Variants in SMARCA5 observed in about 807,000 individuals in gnomAD.
SMARCA5 encodes SWI/SNF-related matrix-associated actin-dependent regulator of chromatin subfamily A member 5.
SMARCA5 carries 18 observed loss-of-function variants against 140.4 expected under a neutral mutation model. The ratio of observed to expected loss-of-function variants is 0.13; its 90% CI spans 0.09 to 0.19. SMARCA5 has a LOEUF of 0.19. Ranked by LOEUF, SMARCA5 falls within the 10% of genes least tolerant of loss-of-function variation. The pLI, the probability that SMARCA5 is intolerant of heterozygous loss-of-function variation, is 1.00. For missense variants in SMARCA5, 606 were observed against 1,276.8 expected (o/e 0.47, Z 8.01); for synonymous variants, 449 against 419.6 (o/e 1.07, Z -0.86).
rs1284454248 is a variant in SMARCA5 at position 143,538,905 on chromosome 4, T to C, written c.1737T>C (p.Ser579=). Residue 579 remains serine (S), a synonymous_variant, in exon 13 of 24, where the codon TCT becomes TCC. Transcript: ENST00000283131. ...ATADVVILYD[S]DWNPQVDLQA... ...CTGATGTAGTAATTTTGTATGATTC[T>C]GATTGGAATCCCCAAGTAGATCTTC... 1 of 1,614,046 alleles carries C rather than the reference T, an allele frequency of 6.2e-7. No homozygotes were observed. Among genetic ancestry groups the C allele is most frequent in the Middle Eastern group, 1.6e-4 (1 of 6,062 alleles).
In SMARCA5 at chr4:143,545,958, C is replaced by G; in HGVS notation, c.2431C>G (p.Gln811Glu). The G allele has an allele frequency of 6.2e-7, 1 of 1,608,074 alleles. No individual in the cohort carries two copies. Among genetic ancestry groups the G allele is most frequent in the Non-Finnish European group, 8.5e-7 (1 of 1,176,230 alleles). Residue 811 changes from glutamine (Q) to glutamate (E), a missense_variant, in exon 19 of 24, where the codon CAG (glutamine) becomes GAG (glutamate). By Grantham distance (29) the Gln-to-Glu change is conservative. Transcript: ENST00000283131. ...PRNPELPNAA[Q>E]AQKEEQLKID... is the part of the protein sequence containing the mutation. ...AAATCCTGAGCTGCCTAATGCAGCA[C>G]AGGCACAAAAAGAAGAACAGCTTAA...
At chr4:143,541,412 T>C (rs1737423594) in intron 14 of SMARCA5, among the ~76,000 whole-genome samples, 1 of 152,206 alleles carries the variant, frequency 6.6e-6, no homozygotes, top group Non-Finnish European at 1.5e-5. Flanking sequence ...ATTGTACATG[T>C]CTTTGGTATC....
chr4:143,544,053 T>A, intron 16 of SMARCA5, 81 bp downstream of exon 16: 2 of 1,114,774 alleles, frequency 1.8e-6, no homozygotes, highest in Non-Finnish European at 2.4e-6. Flanking sequence ...TGTAATGTCT[T>A]ATAATTTTGC....
chr4:143,518,122 C>T (rs1044025852), intron 2 of SMARCA5, among the ~76,000 whole-genome samples: 1 of 152,094 alleles, frequency 6.6e-6, no homozygotes. Context: ...GAAATATGCT[C>T]CTTGTTCACA....
At chr4:143,543,697 T>G in intron 15 of SMARCA5, 40 bp downstream of exon 15, 2 of 1,559,988 alleles carry the variant, frequency 1.3e-6, no homozygotes, top group Non-Finnish European at 1.7e-6. Context: ...TATAGAATGT[T>G]TTAGACCAGA....
chr4:143,530,350 G>T, intron 8 of SMARCA5, 108 bp from the exon 9 acceptor site: 7 of 631,016 alleles, frequency 1.1e-5, no homozygotes, highest in Middle Eastern at 4.7e-4. Context: ...TTTTTTTGTG[G>T]GTTACAATTC....
At chr4:143,550,187 T>C in intron 23 of SMARCA5, 83 bp downstream of exon 23, 1 of 749,614 alleles carries the variant, frequency 1.3e-6, no homozygotes. Flanking sequence ...CTGTCATTGA[T>C]GTGTTAGTCC....
At chr4:143,548,187 A>G (rs1460565589) in intron 22 of SMARCA5, 47 bp downstream of exon 22, 2 of 1,120,092 alleles carry the variant, frequency 1.8e-6, no homozygotes, top group Non-Finnish European at 2.6e-6. Flanking sequence ...GTTCAGAGTA[A>G]GTGTCATCTT....
chr4:143,525,345 C>T (rs779474928), intron 4 of SMARCA5, 106 bp from the exon 5 acceptor site: 9 of 729,836 alleles, frequency 1.2e-5, no homozygotes, highest in Admixed American at 6.0e-5. Context: ...TTCAAGAATC[C>T]GTTAGTAATG....
chr4:143,548,592 T>C (rs1380019549), intron 22 of SMARCA5, among the ~76,000 whole-genome samples: 1 of 152,120 alleles, frequency 6.6e-6, no homozygotes, highest in Non-Finnish European at 1.5e-5. Context: ...AGGTTTTGTT[T>C]TTATTCCCAA....
intron 11 of SMARCA5, among the ~76,000 whole-genome samples, chr4:143,537,514 A>T (rs1290106248): frequency 6.6e-6 from 1 of 152,180 alleles, no homozygotes; most frequent in Non-Finnish European, 1.5e-5. Flanking sequence ...ATAGATTTTT[A>T]AAAAATGCTT....
intron 1 of SMARCA5, among the ~76,000 whole-genome samples, chr4:143,516,841 T>C (rs1736851605): frequency 6.6e-6 from 1 of 152,162 alleles, no homozygotes; most frequent in African/African-American, 2.4e-5. Flanking sequence ...TTATTACTAG[T>C]TTAGGAATCA....
In SMARCA5 at chr4:143,545,966, A is replaced by G; in HGVS notation, c.2439A>G (p.Gln813=). The change falls in exon 19 of 24, where the codon CAA becomes CAG. Residue 813 remains glutamine, a synonymous_variant. Coordinates refer to ENST00000283131, the MANE Select transcript of SMARCA5 (RefSeq NM_003601.4). ...NPELPNAAQA[Q]KEEQLKIDEA... Reference sequence around the variant, plus strand: ...AGCTGCCTAATGCAGCACAGGCACAAAAAGAAGAACAGCTTAAAATTGATG... The same window carrying G: ...AGCTGCCTAATGCAGCACAGGCACAGAAAGAAGAACAGCTTAAAATTGATG... 6.2e-7 allele frequency: 1 copy of G among 1,610,224 alleles called. No individual in the cohort carries two copies. Among genetic ancestry groups the G allele is most frequent in the Non-Finnish European group, 8.5e-7 (1 of 1,177,846 alleles).
At position 143,555,390 on chromosome 4, in the gene SMARCA5, C is replaced by T. The variant is rs1176429312; in HGVS notation, c.*2206C>T. Reference sequence around the variant, plus strand: ...CCATCACCACCACCATGGCTGCCACCAAAGCCACCACGATCACAGAACTTG... The same window carrying T: ...CCATCACCACCACCATGGCTGCCACTAAAGCCACCACGATCACAGAACTTG... On this transcript the variant is annotated 3_prime_UTR_variant, in exon 24 of 24. Coordinates refer to ENST00000283131, the MANE Select transcript of SMARCA5 (RefSeq NM_003601.4). 1.9e-5 allele frequency: 13 copies of T among 683,040 alleles called. No homozygotes were observed. In the East Asian group the frequency reaches 2.7e-4, roughly 14 times the overall value. 42.3% of individuals were successfully genotyped at this position (683,040 alleles called of 1,614,324 possible).
intron 16 of SMARCA5, 79 bp downstream of exon 16, chr4:143,544,051 C>A: frequency 8.9e-7 from 1 of 1,118,116 alleles, no homozygotes; most frequent in Non-Finnish European, 1.2e-6. Flanking sequence ...ACTGTAATGT[C>A]TTATAATTTT....
At position 143,554,479 on chromosome 4, in the gene SMARCA5, GTA is replaced by G. The variant is rs1737708787; in HGVS notation, c.*1296_*1297del. On this transcript the variant is annotated 3_prime_UTR_variant, in exon 24 of 24. Coordinates refer to ENST00000283131, the MANE Select transcript of SMARCA5 (RefSeq NM_003601.4). ...ATATCTTTCCCTTAAATTTCTATTAGTAGTTGTTTTCATCTGCCCACATGTAA... is the reference window on the plus strand; with the variant it reads ...ATATCTTTCCCTTAAATTTCTATTAGGTTGTTTTCATCTGCCCACATGTAA... 1 of 95,940 alleles carries G rather than the reference GTA, an allele frequency of 1.0e-5. No homozygotes were observed. Among genetic ancestry groups the G allele is most frequent in the Non-Finnish European group, 2.3e-5 (1 of 43,242 alleles). 5.9% of individuals were successfully genotyped at this position (95,940 alleles called of 1,614,324 possible).
chr4:143,534,819 T>C (rs1270144671), intron 9 of SMARCA5, 36 bp from the exon 10 acceptor site: 3 of 1,430,090 alleles, frequency 2.1e-6, no homozygotes, highest in Admixed American at 1.9e-5. Context: ...TTATGTGTAA[T>C]ATTGGTATTA....
At chr4:143,525,294 T>C (rs1737046561) in intron 4 of SMARCA5, among the ~76,000 whole-genome samples, 157 bp from the exon 5 acceptor site, 1 of 152,180 alleles carries the variant, frequency 6.6e-6, no homozygotes, top group Non-Finnish European at 1.5e-5. Context: ...CTTCAGACCA[T>C]GGCAGCTACC....
At chr4:143,539,819 G>A (rs932781970) in intron 13 of SMARCA5, among the ~76,000 whole-genome samples, 27 of 152,200 alleles carry the variant, frequency 1.8e-4, no homozygotes, top group African/African-American at 6.5e-4. Context: ...TTACAGGAGT[G>A]AGCTACTACA....
Sources: gnomAD v4.1 joint callset for allele counts (sites outside exome capture counted in the v4.1 genomes callset) on GRCh38, gnomAD v4.1.1 for gene constraint, MANE v1.5 for transcripts, NCBI Gene and HGNC (gene_info 2026-07-23, HGNC 2026-07-21) for gene names.